GRIN2A: variants seen among roughly 807,000 people sequenced by gnomAD.
GRIN2A encodes glutamate ionotropic receptor NMDA type subunit 2A.
In GRIN2A, 22 loss-of-function variants were observed where a neutral mutation model predicts 113.4. The observed-to-expected ratio is 0.19, with a 90% CI of 0.14 to 0.28. The LOEUF is 0.28. GRIN2A is among the 10% of genes least tolerant of loss of function. GRIN2A has a pLI of 1.00. For synonymous variants in GRIN2A, 827 were observed against 738.4 expected (o/e 1.12, Z -1.94); for missense variants, 1,502 against 1,887.0 (o/e 0.80, Z 3.78).
intron 2 of GRIN2A, among the ~76,000 whole-genome samples, chr16:10,102,946 C>T (rs1301341473): frequency 6.6e-6 from 1 of 152,174 alleles, no homozygotes; most frequent in East Asian, 1.9e-4. Context: ...GGAGTGGATG[C>T]CTCGGTTGCT....
chr16:9,916,464 A>G (rs1038600083), intron 3 of GRIN2A, among the ~76,000 whole-genome samples: 15 of 152,190 alleles, frequency 9.9e-5, no homozygotes, highest in African/African-American at 3.6e-4. Flanking sequence ...CTCATTTTCA[A>G]TACCACTTAT....
At chr16:10,013,072 G>A (rs1353622712) in intron 2 of GRIN2A, among the ~76,000 whole-genome samples, 2 of 152,000 alleles carry the variant, frequency 1.3e-5, no homozygotes, top group African/African-American at 2.4e-5. Flanking sequence ...CCTGGGAGAG[G>A]AAATAATCTG....
chr16:10,179,894 ACT>A, intron 2 of GRIN2A, 102 bp downstream of exon 2: 3 of 281,794 alleles, frequency 1.1e-5, no homozygotes, highest in Non-Finnish European at 7.1e-6. Flanking sequence ...CCCCACCCCC[ACT>A]TCACATCAAG....
intron 11 of GRIN2A, among the ~76,000 whole-genome samples, chr16:9,784,462 C>CAAAAA (rs796182471): frequency 6.9e-5 from 10 of 144,930 alleles, no homozygotes; most frequent in African/African-American, 1.6e-4. Context: ...AACAAACAAA[C>CAAAAA]AAAAAACCTA....
intron 2 of GRIN2A, among the ~76,000 whole-genome samples, chr16:10,165,824 G>T (rs960585205): frequency 6.6e-6 from 1 of 151,120 alleles, no homozygotes; most frequent in Non-Finnish European, 1.5e-5. Flanking sequence ...AAAGAAGAGA[G>T]GAGAAGAGAA....
Position 9,849,805 on chromosome 16 carries a change from CGGT to C in GRIN2A, c.1276_1278del (p.Thr426del). On this transcript the variant is annotated inframe_deletion, in exon 5 of 13. Transcript: ENST00000330684. ...GGCACGGTGTTCCTCACACACGTCT[CGGT>C]CAGGGGGTCTATGTCTTCCACGATG... 1 of 1,614,026 alleles carries C rather than the reference CGGT, an allele frequency of 6.2e-7. No homozygotes were observed. Among genetic ancestry groups the C allele is most frequent in the Non-Finnish European group, 8.5e-7 (1 of 1,179,970 alleles).
At chr16:10,032,956 G>C (rs927856728) in intron 2 of GRIN2A, among the ~76,000 whole-genome samples, 3 of 152,164 alleles carry the variant, frequency 2.0e-5, no homozygotes, top group African/African-American at 7.2e-5. Flanking sequence ...CCAGTGGAGA[G>C]TTTCTCGAAC....
chr16:9,774,454 A>G (rs1901477163), intron 11 of GRIN2A, among the ~76,000 whole-genome samples: 2 of 152,334 alleles, frequency 1.3e-5, no homozygotes, highest in East Asian at 3.9e-4. Context: ...TGGCTTCCAC[A>G]GGTACCGGCT....
chr16:9,932,919 C>A (rs907278865), intron 3 of GRIN2A, among the ~76,000 whole-genome samples: 1 of 152,168 alleles, frequency 6.6e-6, no homozygotes. Context: ...GATGCCACTG[C>A]CTCCCAGGGG....
intron 2 of GRIN2A, among the ~76,000 whole-genome samples, chr16:10,110,964 C>G (rs1030187685): frequency 2.0e-5 from 3 of 152,156 alleles, no homozygotes; most frequent in Non-Finnish European, 2.9e-5. Context: ...ATGTGTTAAA[C>G]TAACTTTTCT....
At chr16:9,892,715 T>G (rs1421205091) in intron 3 of GRIN2A, among the ~76,000 whole-genome samples, 1 of 152,044 alleles carries the variant, frequency 6.6e-6, no homozygotes, top group Non-Finnish European at 1.5e-5. Context: ...AGACTTCATC[T>G]CCCAGATTTC....
intron 2 of GRIN2A, among the ~76,000 whole-genome samples, chr16:10,023,533 T>C (rs2141902721): frequency 6.6e-6 from 1 of 152,328 alleles, no homozygotes; most frequent in East Asian, 1.9e-4. Flanking sequence ...TATGAGCCCA[T>C]TTTCTACTCT....
chr16:10,173,010 T>C (rs909944544), intron 2 of GRIN2A, among the ~76,000 whole-genome samples: 1 of 152,142 alleles, frequency 6.6e-6, no homozygotes, highest in African/African-American at 2.4e-5. Flanking sequence ...TAAACACCGC[T>C]GCAAACCCAC....
At chr16:10,078,576 A>C (rs2047919998) in intron 2 of GRIN2A, among the ~76,000 whole-genome samples, 1 of 152,156 alleles carries the variant, frequency 6.6e-6, no homozygotes, top group South Asian at 2.1e-4. Flanking sequence ...CCCTGGGGGC[A>C]GGAGAAGCCA....
At chr16:10,067,597 G>A (rs996618189) in intron 2 of GRIN2A, among the ~76,000 whole-genome samples, 7 of 152,176 alleles carry the variant, frequency 4.6e-5, no homozygotes, top group South Asian at 2.1e-4. Flanking sequence ...GGAGGACTGC[G>A]TGAAGACAGG....
intron 4 of GRIN2A, among the ~76,000 whole-genome samples, chr16:9,858,696 A>G (rs1029547925): frequency 6.6e-6 from 1 of 152,212 alleles, no homozygotes; most frequent in African/African-American, 2.4e-5. Context: ...GCTCCTAGAA[A>G]GATTTTTTTT....
intron 2 of GRIN2A, among the ~76,000 whole-genome samples, chr16:10,013,364 T>A (rs1034024753): frequency 6.6e-6 from 1 of 152,222 alleles, no homozygotes; most frequent in African/African-American, 2.4e-5. Context: ...ATCCACATGA[T>A]GGCAGCTGAC....
At chr16:9,911,040 G>A (rs111829836) in intron 3 of GRIN2A, among the ~76,000 whole-genome samples, 1,984 of 152,028 alleles carry the variant, frequency 0.013, 53 homozygotes, top group African/African-American at 0.045. Flanking sequence ...AATCCATCTT[G>A]TAATTTTCAC....
At chr16:10,144,648 G>T (rs11074612) in intron 2 of GRIN2A, among the ~76,000 whole-genome samples, 2 of 151,986 alleles carry the variant, frequency 1.3e-5, no homozygotes, top group Middle Eastern at 3.4e-3. Context: ...CCTTTGCTTC[G>T]CAGAAGTTTC....
Sources: allele counts gnomAD v4.1 joint callset (sites outside exome capture counted in the v4.1 genomes callset), GRCh38; gene constraint gnomAD v4.1.1; transcripts MANE v1.5; gene names NCBI Gene and HGNC (gene_info 2026-07-23, HGNC 2026-07-21).